Variants in RBMS1 observed in about 807,000 individuals in gnomAD.
The protein encoded by RBMS1 is RNA-binding motif, single-stranded-interacting protein 1.
A neutral mutation model predicts 62.3 loss-of-function variants in RBMS1; 17 were observed. That is an observed-to-expected ratio of 0.27 (90% CI 0.19 to 0.41). The LOEUF is 0.41. RBMS1 is among the 10% of genes least tolerant of loss of function. The probability of loss-of-function intolerance (pLI) is 1.00; values close to 1 mark genes in which losing one functional copy is unlikely to be tolerated. For synonymous variants in RBMS1, 172 were observed against 170.0 expected, an observed-to-expected ratio of 1.01 and a Z score of -0.09; for missense variants, 334 against 504.5, an observed-to-expected ratio of 0.66 and a Z score of 3.24.
intron 1 of RBMS1, among the ~76,000 whole-genome samples, chr2:160,384,153 T>C (rs1694445235): frequency 6.6e-6 from 1 of 152,172 alleles, no homozygotes. Context: ...GCCAAGATCG[T>C]GCCACCGCAC....
rs1687655115 is a variant in RBMS1, at chr2:160,273,080, C to CATTGCTTTTAAAACAT, written c.*1676_*1691dup. 1 of 152,172 alleles carries CATTGCTTTTAAAACAT rather than the reference C, an allele frequency of 6.6e-6. No individual in the cohort carries two copies. Among genetic ancestry groups the CATTGCTTTTAAAACAT allele is most frequent in the African/African-American group, 2.4e-5 (1 of 41,438 alleles). The allele number at this position is 152,172 out of a possible 1,614,324, so 9.4% of individuals were successfully genotyped here. On this transcript the variant is annotated 3_prime_UTR_variant, in exon 14 of 14. Coordinates refer to ENST00000348849, the MANE Select transcript of RBMS1 (RefSeq NM_016836.4). ...AGTTTTGGAAGACAACTTAATTTAC[C>CATTGCTTTTAAAACAT]ATTGCTTTTAAAACATATGCAATTG...
intron 2 of RBMS1, among the ~76,000 whole-genome samples, chr2:160,324,357 C>T (rs1475437799): frequency 6.6e-6 from 1 of 152,206 alleles, no homozygotes; most frequent in Non-Finnish European, 1.5e-5. Context: ...GTGGCGTCCA[C>T]TCCAACCACC....
At chr2:160,368,573 C>T (rs565499856) in intron 1 of RBMS1, among the ~76,000 whole-genome samples, 6 of 152,302 alleles carry the variant, frequency 3.9e-5, no homozygotes, top group Non-Finnish European at 5.9e-5. Context: ...TAGTTTTGTA[C>T]CCAGCTTCTG....
intron 1 of RBMS1, among the ~76,000 whole-genome samples, chr2:160,492,164 A>T (rs143868746): frequency 1.3e-4 from 20 of 152,338 alleles, no homozygotes; most frequent in Non-Finnish European, 2.4e-4. Flanking sequence ...CGGACACTGC[A>T]TCCATACCTG....
chr2:160,377,416 C>G (rs1417959843), intron 1 of RBMS1, among the ~76,000 whole-genome samples: 1 of 152,192 alleles, frequency 6.6e-6, no homozygotes, highest in Non-Finnish European at 1.5e-5. Flanking sequence ...CAGATTTTGA[C>G]TCAGCCATTT....
intron 1 of RBMS1, among the ~76,000 whole-genome samples, chr2:160,455,625 A>G (rs1684186749): frequency 6.6e-6 from 1 of 151,994 alleles, no homozygotes; most frequent in South Asian, 2.1e-4. Context: ...GGAAAGAAAG[A>G]GAAGGGAGAG....
At chr2:160,380,584 A>G (rs935014412) in intron 1 of RBMS1, among the ~76,000 whole-genome samples, 12 of 152,268 alleles carry the variant, frequency 7.9e-5, no homozygotes, top group Non-Finnish European at 1.2e-4. Flanking sequence ...ACAACTTCAC[A>G]TATTCCTAAA....
At chr2:160,425,776 T>C (rs528626715) in intron 1 of RBMS1, among the ~76,000 whole-genome samples, 20 of 152,274 alleles carry the variant, frequency 1.3e-4, no homozygotes, top group East Asian at 5.8e-4. Flanking sequence ...CTGGTCTCCA[T>C]AGACCCACCT....
At chr2:160,400,613 AAAAGT>A (rs1234459152) in intron 1 of RBMS1, among the ~76,000 whole-genome samples, 1 of 152,188 alleles carries the variant, frequency 6.6e-6, no homozygotes. Context: ...TACTCTCCTG[AAAAGT>A]AATCTAGAAT....
chr2:160,359,390 C>A (rs1344573980), intron 2 of RBMS1, among the ~76,000 whole-genome samples: 1 of 152,154 alleles, frequency 6.6e-6, no homozygotes, highest in Non-Finnish European at 1.5e-5. Flanking sequence ...AATGTAATAA[C>A]TAAGGGTATG....
intron 1 of RBMS1, among the ~76,000 whole-genome samples, chr2:160,428,094 G>A (rs959654500): frequency 6.6e-6 from 1 of 151,474 alleles, no homozygotes; most frequent in African/African-American, 2.4e-5. Context: ...TGTACTTCTG[G>A]AGCCTACATA....
At chr2:160,441,625 T>C (rs948082826) in intron 1 of RBMS1, among the ~76,000 whole-genome samples, 1 of 152,184 alleles carries the variant, frequency 6.6e-6, no homozygotes, top group Non-Finnish European at 1.5e-5. Flanking sequence ...CTAGGGAGGC[T>C]ATGGCAGGAA....
intron 1 of RBMS1, among the ~76,000 whole-genome samples, chr2:160,423,377 G>A (rs183284441): frequency 6.6e-6 from 1 of 150,686 alleles, no homozygotes; most frequent in Non-Finnish European, 1.5e-5. Context: ...AAAGCGGGGT[G>A]GGGGGGAGGG....
At chr2:160,398,715 G>C (rs1158612705) in intron 1 of RBMS1, among the ~76,000 whole-genome samples, 2 of 152,126 alleles carry the variant, frequency 1.3e-5, no homozygotes, top group Non-Finnish European at 2.9e-5. Flanking sequence ...GAAAATCCTT[G>C]TAATAGAAAG....
At chr2:160,381,107 T>C (rs1694264020) in intron 1 of RBMS1, among the ~76,000 whole-genome samples, 1 of 152,174 alleles carries the variant, frequency 6.6e-6, no homozygotes, top group East Asian at 1.9e-4. Flanking sequence ...CCTTATAGAC[T>C]CTAACTAACT....
At chr2:160,407,903 T>A in intron 1 of RBMS1, 3 of 980,008 alleles carry the variant, frequency 3.1e-6, no homozygotes, top group South Asian at 4.7e-5. Context: ...ACCACCGCCC[T>A]GAGAGCGCGC....
chr2:160,447,641 T>C (rs1683712633), intron 1 of RBMS1, among the ~76,000 whole-genome samples: 1 of 152,262 alleles, frequency 6.6e-6, no homozygotes, highest in Non-Finnish European at 1.5e-5. Flanking sequence ...ATTTTTATAC[T>C]GCTAGAATAT....
chr2:160,443,438 G>A (rs1277542576), intron 1 of RBMS1, among the ~76,000 whole-genome samples: 5 of 152,086 alleles, frequency 3.3e-5, no homozygotes, highest in Non-Finnish European at 7.4e-5. Context: ...CCTGATGGGA[G>A]GTGTTTGGAT....
intron 3 of RBMS1, among the ~76,000 whole-genome samples, chr2:160,315,814 G>A (rs1303499752): frequency 6.6e-6 from 1 of 152,134 alleles, no homozygotes. Context: ...TAAACTTTGA[G>A]AGAAACTGAA....
Sources: allele counts gnomAD v4.1 joint callset (sites outside exome capture counted in the v4.1 genomes callset), GRCh38; gene constraint gnomAD v4.1.1; transcripts MANE v1.5; gene names NCBI Gene and HGNC (gene_info 2026-07-23, HGNC 2026-07-21).